The following PKM variants were observed in gnomAD, a reference collection of about 807,000 sequenced individuals.
The protein encoded by PKM is pyruvate kinase M1/2.
PKM carries 18 observed loss-of-function variants against 49.8 expected under a neutral mutation model. The observed-to-expected ratio is 0.36, with a 90% CI of 0.25 to 0.54. The LOEUF (loss-of-function observed/expected upper bound fraction) is 0.54. Among genes scored for constraint, PKM ranks in the 20% least tolerant of loss-of-function variants. PKM has a pLI of 0.89. For synonymous variants in PKM, 239 were observed against 261.8 expected (o/e 0.91, Z 0.84); for missense variants, 508 against 713.8 (o/e 0.71, Z 3.28).
rs1400427778 is a variant in PKM at position 72,227,764 on chromosome 15, AAAAAAAAAAAC to A, written c.-14+3341_-14+3351del. Among the ~76,000 whole-genome samples the A allele has an allele frequency of 1.5e-4, 20 of 135,338 alleles. 1 individual carries two copies. Among genetic ancestry groups the A allele is most frequent in the African/African-American group, 5.0e-4 (15 of 29,726 alleles). The allele number at this position is 135,338 out of a possible 152,430, so 88.8% of individuals were successfully genotyped here. On this transcript the variant is annotated intron_variant, in intron 1 of 10. Coordinates refer to ENST00000335181, the MANE Select transcript of PKM (RefSeq NM_002654.6). The stretch of plus-strand genomic sequence containing the variant: ...TATCTCAAAAAAAAAAAAAAAAAAA[AAAAAAAAAAAC>A]AAAAAACTGAAGCAAAATAAACTAA...
At position 72,200,670 on chromosome 15, in the gene PKM, G is replaced by C. The variant is rs751843769; in HGVS notation, c.1308-15C>G. ...GGTGAGCAGACCTGAGATGGGATGGGGGACATACAGAAGAGACCATTACAC... is the reference window on the plus strand; with the variant it reads ...GGTGAGCAGACCTGAGATGGGATGGCGGACATACAGAAGAGACCATTACAC... On this transcript the variant is annotated splice_polypyrimidine_tract_variant and intron_variant, in intron 9 of 10. Coordinates refer to ENST00000335181, the MANE Select transcript of PKM (RefSeq NM_002654.6). The surrounding 1 kb of genome is among the most constrained non-coding windows in gnomAD (Gnocchi z 4.6). 8.1e-6 allele frequency: 13 copies of C among 1,608,350 alleles called. No homozygotes were observed. The highest frequency in any genetic ancestry group is 1.0e-5 in the Non-Finnish European group (12 of 1,175,944).
At chr15:72,215,033 T>C (rs1596768057) in intron 3 of PKM, among the ~76,000 whole-genome samples, 1 of 152,110 alleles carries the variant, frequency 6.6e-6, no homozygotes, top group South Asian at 2.1e-4. Flanking sequence ...ACCCCGTCTC[T>C]ACTAAAAATA....
At chr15:72,206,606 G>T in intron 8 of PKM, 122 bp downstream of exon 8, 6 of 980,928 alleles carry the variant, frequency 6.1e-6, no homozygotes, top group African/African-American at 1.6e-5. Context: ...GCTGTAACTT[G>T]GAGGATAATG....
intron 3 of PKM, among the ~76,000 whole-genome samples, chr15:72,216,392 G>T (rs2082377676): frequency 1.3e-5 from 2 of 152,250 alleles, no homozygotes; most frequent in South Asian, 4.1e-4. Context: ...CCCAACATTT[G>T]AGAGAATCAC....
At position 72,231,128 on chromosome 15, in the gene PKM, C is replaced by T; in HGVS notation, c.-26G>A. On this transcript the variant is annotated 5_prime_UTR_variant, in exon 1 of 11. Transcript: ENST00000335181. ...CTGCACCGCTCACCTCCGGCGCTGACCGACTCGGGCTACGCTGCAAAGACG... is the reference window on the plus strand; with the variant it reads ...CTGCACCGCTCACCTCCGGCGCTGATCGACTCGGGCTACGCTGCAAAGACG... The T allele has an allele frequency of 2.9e-6, 1 of 340,112 alleles. No homozygotes were observed. Among genetic ancestry groups the T allele is most frequent in the African/African-American group, 2.1e-5 (1 of 46,638 alleles). The allele number at this position is 340,112 out of a possible 1,614,324, so 21.1% of individuals were successfully genotyped here. A position where few individuals can be genotyped will look rare whatever the true frequency, so the allele number is the denominator to read the frequency against.
chr15:72,225,444 A>T (rs1186823380), intron 1 of PKM, among the ~76,000 whole-genome samples: 1 of 152,010 alleles, frequency 6.6e-6, no homozygotes, highest in Non-Finnish European at 1.5e-5. Flanking sequence ...AGCCTCTCAA[A>T]GTGCTGGGAT....
chr15:72,225,445 G>A (rs377438076), intron 1 of PKM, among the ~76,000 whole-genome samples: 6 of 152,086 alleles, frequency 3.9e-5, no homozygotes, highest in East Asian at 1.9e-4. Flanking sequence ...GCCTCTCAAA[G>A]TGCTGGGATT....
At chr15:72,211,226 C>T (rs1454035252) in intron 3 of PKM, among the ~76,000 whole-genome samples, 3 of 152,102 alleles carry the variant, frequency 2.0e-5, no homozygotes, top group African/African-American at 7.2e-5. Context: ...CACCACCACG[C>T]CTGGCTAACT....
chr15:72,227,560 A>G (rs1259407958), intron 1 of PKM, among the ~76,000 whole-genome samples: 1 of 152,064 alleles, frequency 6.6e-6, no homozygotes, highest in African/African-American at 2.4e-5. Flanking sequence ...CCTGGCCAAC[A>G]TGGTGAAACC....
chr15:72,230,140 G>T (rs2140836904), intron 1 of PKM, among the ~76,000 whole-genome samples: 1 of 152,260 alleles, frequency 6.6e-6, no homozygotes, highest in East Asian at 1.9e-4. Context: ...ACCCGGCAAG[G>T]GCCGGTCGAG....
chr15:72,208,118 T>A (rs1223231284), intron 6 of PKM, among the ~76,000 whole-genome samples: 3 of 152,176 alleles, frequency 2.0e-5, no homozygotes, highest in African/African-American at 7.2e-5. Flanking sequence ...AGAGTTAGCA[T>A]GATCACTGAG....
chr15:72,219,185 C>G, intron 1 of PKM, 75 bp from the exon 2 acceptor site: 1 of 1,351,590 alleles, frequency 7.4e-7, no homozygotes, highest in Non-Finnish European at 1.0e-6. Flanking sequence ...AGAAGGCTGT[C>G]TCCTGCTTAC....
chr15:72,230,609 G>C (rs917963871), intron 1 of PKM, among the ~76,000 whole-genome samples: 1 of 152,150 alleles, frequency 6.6e-6, no homozygotes, highest in Non-Finnish European at 1.5e-5. Flanking sequence ...GAATGGACGC[G>C]GGAGGGGAAC....
Position 72,200,713 on chromosome 15 carries a change from C to T in PKM, c.1308-58G>A, listed in dbSNP as rs2081924338. 17 of 1,472,062 alleles carry T rather than the reference C, an allele frequency of 1.2e-5. No individual in the cohort carries two copies. Among genetic ancestry groups the T allele is most frequent in the Non-Finnish European group, 1.4e-5 (15 of 1,066,862 alleles). 91.2% of individuals were successfully genotyped at this position (1,472,062 alleles called of 1,614,324 possible). A position where few individuals can be genotyped will look rare whatever the true frequency, so the allele number is the denominator to read the frequency against. ...CATTACACGAGGCCCCAGGAAGTAC[C>T]CTCAGGGCGTTCAAACAGCTCACCC... On this transcript the variant is annotated intron_variant, in intron 9 of 10. Transcript: ENST00000335181. This position sits in a 1 kb window ranked among gnomAD's most constrained non-coding sequence, Gnocchi z 4.6.
intron 9 of PKM, chr15:72,201,450 G>A (rs2081942954): frequency 6.6e-6 from 1 of 152,302 alleles, no homozygotes; most frequent in African/African-American, 2.4e-5. Context: ...GAAGTTATGA[G>A]GACACTCAAC....
At chr15:72,228,292 G>A (rs556177416) in intron 1 of PKM, among the ~76,000 whole-genome samples, 4 of 152,198 alleles carry the variant, frequency 2.6e-5, no homozygotes, top group East Asian at 3.9e-4. Flanking sequence ...GCTGGGCACC[G>A]GGCTCTGCCA....
rs112761283 is a variant in PKM at position 72,200,132 on chromosome 15, TAA to T, written c.1489+340_1489+341del. On this transcript the variant is annotated intron_variant, in intron 10 of 10. Transcript: ENST00000335181. The surrounding 1 kb of genome is among the most constrained non-coding windows in gnomAD (Gnocchi z 4.6). ...CACAGGAGCTGTGGCCAATTTTATT[TAA>T]AAAAAAAACAAAAAACAAAAAAAAC... 6.8e-6 allele frequency among the ~76,000 whole-genome samples: 1 copy of T among 145,988 alleles called. No homozygotes were observed. The highest frequency in any genetic ancestry group is 1.5e-5 in the Non-Finnish European group (1 of 66,222).
In PKM at chr15:72,223,019, T is replaced by C. The variant is rs1477300791; in HGVS notation, c.-13-3909A>G. On this transcript the variant is annotated intron_variant, in intron 1 of 10. Transcript: ENST00000335181. Reference sequence around the variant, plus strand: ...AACACTCCTCCCTCCAACTTTTTTTTTTTCTTTTTTTTTTTTTTCAGACAG... The same window carrying C: ...AACACTCCTCCCTCCAACTTTTTTTCTTTCTTTTTTTTTTTTTTCAGACAG... Among the ~76,000 whole-genome samples, 8 of 150,888 alleles carry C rather than the reference T, an allele frequency of 5.3e-5. No homozygotes were observed. In the East Asian group the frequency reaches 9.7e-4, roughly 18 times the overall value.
At chr15:72,210,226 C>T in intron 4 of PKM, 121 bp downstream of exon 4, 3 of 1,000,266 alleles carry the variant, frequency 3.0e-6, no homozygotes, top group Middle Eastern at 3.3e-4. Context: ...TTGTAGACCT[C>T]AACTCCTCTG....
Sources: gnomAD v4.1 joint callset for allele counts (sites outside exome capture counted in the v4.1 genomes callset) on GRCh38, gnomAD v4.1.1 for gene constraint, Gnocchi (gnomAD v3.1) non-coding constraint, MANE v1.5 for transcripts, NCBI Gene and HGNC (gene_info 2026-07-23, HGNC 2026-07-21) for gene names.